The following ODR4 variants were observed in gnomAD, a reference collection of about 807,000 sequenced individuals.
The protein encoded by ODR4 is protein odr-4 homolog.
In ODR4, 47 loss-of-function variants were observed where a neutral mutation model predicts 60.2. The ratio of observed to expected loss-of-function variants is 0.78; its 90% CI spans 0.62 to 1.00. ODR4 has a LOEUF of 1.00. Ranked by LOEUF, ODR4 falls within the 50% of genes least tolerant of loss-of-function variation. ODR4 has a pLI of 0.00. For missense variants in ODR4, 488 were observed against 530.8 expected, an observed-to-expected ratio of 0.92 and a Z score of 0.79; for synonymous variants, 178 against 175.5, an observed-to-expected ratio of 1.01 and a Z score of -0.11.
intron 9 of ODR4, among the ~76,000 whole-genome samples, chr1:186,398,014 AAAT>A (rs1660768644): frequency 6.6e-6 from 1 of 152,186 alleles, no homozygotes; most frequent in African/African-American, 2.4e-5. Context: ...AATAATTTGC[AAAT>A]AATATATTTT....
At chr1:186,389,654 T>C in intron 6 of ODR4, 30 bp downstream of exon 6, 1 of 1,420,792 alleles carries the variant, frequency 7.0e-7, no homozygotes, top group Non-Finnish European at 9.6e-7. Flanking sequence ...AAGATTTTTC[T>C]GTGTCACAAA....
chr1:186,417,308 C>T, intron 12 of ODR4: 1 of 373,658 alleles, frequency 2.7e-6, no homozygotes, highest in Non-Finnish European at 4.8e-6. Context: ...GCTGTGTGGC[C>T]CTCTGGTTTA....
At position 186,383,678 on chromosome 1, in the gene ODR4, G is replaced by GATATAT. The variant is rs60229243; in HGVS notation, c.234+537_234+542dup. ...ACTCAAACGTGTTTCTGTGTATGTA[G>GATATAT]ATATATATATATATATATATGGACA... On this transcript the variant is annotated intron_variant, in intron 3 of 13. Transcript: ENST00000287859. Among the ~76,000 whole-genome samples, 649 of 140,758 alleles carry GATATAT rather than the reference G, an allele frequency of 4.6e-3. 6 individuals carry two copies. Among genetic ancestry groups the GATATAT allele is most frequent in the African/African-American group, 0.014 (559 of 38,732 alleles). The allele number at this position is 140,758 out of a possible 152,430, so 92.3% of individuals were successfully genotyped here. A position where few individuals can be genotyped will look rare whatever the true frequency, so the allele number is the denominator to read the frequency against.
downstream of ODR4, among the ~76,000 whole-genome samples, chr1:186,423,508 G>A (rs985413850): frequency 1.4e-4 from 19 of 132,484 alleles, no homozygotes; most frequent in African/African-American, 5.1e-4. Context: ...AGGTTGGAGT[G>A]CAGTTGCGTG....
intron 11 of ODR4, among the ~76,000 whole-genome samples, chr1:186,402,187 ATTCTTTCT>A (rs71104857): frequency 0.01 from 1,388 of 135,508 alleles, 22 homozygotes; most frequent in African/African-American, 0.035. Context: ...TAGGCATCCT[ATTCTTTCT>A]TTCTTTCTTT....
intron 11 of ODR4, among the ~76,000 whole-genome samples, chr1:186,402,566 ATT>A (rs1002819900): frequency 7.0e-6 from 1 of 142,166 alleles, no homozygotes; most frequent in African/African-American, 2.6e-5. Flanking sequence ...CGCCTGGCTA[ATT>A]TTTTTTTTTT....
chr1:186,386,506 A>G (rs1402450305), intron 4 of ODR4, among the ~76,000 whole-genome samples: 1 of 152,154 alleles, frequency 6.6e-6, no homozygotes, highest in Non-Finnish European at 1.5e-5. Flanking sequence ...AAAATATTGA[A>G]AAATTCAAAT....
At chr1:186,390,882 A>C in intron 7 of ODR4, 31 bp downstream of exon 7, 1 of 1,585,410 alleles carries the variant, frequency 6.3e-7, no homozygotes. Context: ...TTCTTCAGTG[A>C]TTGCTGAGTG....
At chr1:186,422,988 A>G (rs1238601934), downstream of ODR4, among the ~76,000 whole-genome samples, 1 of 152,224 alleles carries the variant, frequency 6.6e-6, no homozygotes, top group African/African-American at 2.4e-5. Flanking sequence ...TGAAAAGGTG[A>G]CTACCAGGAA....
intron 11 of ODR4, among the ~76,000 whole-genome samples, chr1:186,402,234 C>CTTTCTTTCTTTCCTTT (rs1553236960): frequency 9.5e-5 from 1 of 10,512 alleles, no homozygotes; most frequent in Non-Finnish European, 2.5e-4. Flanking sequence ...TTCTTTCTTT[C>CTTTCTTTCTTTCCTTT]CTTTCTTTCT....
intron 9 of ODR4, 62 bp downstream of exon 9, chr1:186,394,077 G>T (rs1029646945): frequency 2.0e-6 from 2 of 985,848 alleles, no homozygotes; most frequent in South Asian, 3.2e-5. Context: ...AACTGTTTCT[G>T]TTTTTATTTT....
chr1:186,432,519 A>G, the ODR4 span, among the ~76,000 whole-genome samples: 1 of 151,998 alleles, frequency 6.6e-6, no homozygotes, highest in Non-Finnish European at 1.5e-5. Context: ...TTTGGGGGGT[A>G]ATATTTTGTT....
At chr1:186,410,015 A>G (rs972335808) in intron 12 of ODR4, among the ~76,000 whole-genome samples, 3 of 152,226 alleles carry the variant, frequency 2.0e-5, no homozygotes, top group African/African-American at 7.2e-5. Context: ...TTGCATATTT[A>G]ATGTTGATCT....
chr1:186,424,983 A>C (rs532719979), downstream of ODR4, among the ~76,000 whole-genome samples: 203 of 152,052 alleles, frequency 1.3e-3, 9 homozygotes, highest in South Asian at 0.041. Flanking sequence ...AAAAAAAAAA[A>C]AAACCCCTTT....
At chr1:186,401,160 T>C in intron 11 of ODR4, 1 of 1,593,788 alleles carries the variant, frequency 6.3e-7, no homozygotes, top group Non-Finnish European at 8.6e-7. Flanking sequence ...CTGGTATTCT[T>C]TCATATTGTT....
chr1:186,404,071 T>C (rs57839706), intron 11 of ODR4, among the ~76,000 whole-genome samples: 8 of 152,246 alleles, frequency 5.3e-5, no homozygotes, highest in African/African-American at 1.9e-4. Flanking sequence ...GTTTCAGTAC[T>C]ACTCTGATAC....
intron 3 of ODR4, among the ~76,000 whole-genome samples, chr1:186,384,260 A>C (rs939590323): frequency 2.0e-5 from 3 of 151,970 alleles, no homozygotes; most frequent in Admixed American, 6.5e-5. Context: ...TCACTGGGCC[A>C]GAGAGGAAGC....
chr1:186,400,965 C>T, intron 11 of ODR4: 3 of 1,383,632 alleles, frequency 2.2e-6, no homozygotes, highest in Non-Finnish European at 3.0e-6. Context: ...TGTGGTAACT[C>T]CTGTGGTGTA....
In ODR4 at chr1:186,379,845, C is replaced by G; in HGVS notation, c.60C>G (p.Leu20=). The change falls in exon 2 of 14, where the codon CTC becomes CTG. Residue 20 remains leucine, a synonymous_variant. Coordinates refer to ENST00000287859, the MANE Select transcript of ODR4 (RefSeq NM_017847.6). ...GCCAGTATCTTTCAAACATAAATCT[C>G]CAAGGAAAGGCTTTTGTCTCTGGCC... ...TVGQYLSNIN[L]QGKAFVSGLL... The G allele has an allele frequency of 6.2e-7, 1 of 1,609,048 alleles. No individual in the cohort carries two copies. Among genetic ancestry groups the G allele is most frequent in the Non-Finnish European group, 8.5e-7 (1 of 1,177,808 alleles).
Sources: gnomAD v4.1 joint callset for allele counts (sites outside exome capture counted in the v4.1 genomes callset) on GRCh38, gnomAD v4.1.1 for gene constraint, MANE v1.5 for transcripts, NCBI Gene and HGNC (gene_info 2026-07-23, HGNC 2026-07-21) for gene names.